Variants in PLRG1 observed in about 807,000 individuals in gnomAD.
PLRG1 encodes pleiotropic regulator 1 (PRL1 homolog, Arabidopsis).
PLRG1 carries 28 observed loss-of-function variants against 74.9 expected under a neutral mutation model. That is an observed-to-expected ratio of 0.37 (90% CI 0.28 to 0.51). The LOEUF is 0.51. Ranked by LOEUF, PLRG1 falls within the 20% of genes least tolerant of loss-of-function variation. PLRG1 has a pLI of 0.91. For synonymous variants in PLRG1, 197 were observed against 212.4 expected, an observed-to-expected ratio of 0.93 and a Z score of 0.63; for missense variants, 445 against 631.9, an observed-to-expected ratio of 0.70 and a Z score of 3.17.
intron 1 of PLRG1, 110 bp from the exon 2 acceptor site, chr4:154,549,045 C>T: frequency 1.4e-6 from 1 of 700,990 alleles, no homozygotes; most frequent in Non-Finnish European, 2.5e-6. Context: ...AAGCTTTATA[C>T]CACTCACCAT....
At chr4:154,544,356 C>T in intron 7 of PLRG1, 89 bp downstream of exon 7, 1 of 783,932 alleles carries the variant, frequency 1.3e-6, no homozygotes, top group Non-Finnish European at 2.2e-6. Flanking sequence ...TTCATATTCA[C>T]TCTTTTTCCT....
chr4:154,537,874 T>G (rs1027300243), intron 13 of PLRG1, 95 bp downstream of exon 13: 2 of 710,374 alleles, frequency 2.8e-6, no homozygotes, highest in Non-Finnish European at 4.6e-6. Flanking sequence ...CTATAATACT[T>G]AAGTGTGACA....
intron 4 of PLRG1, 80 bp downstream of exon 4, chr4:154,546,931 C>A (rs1323744667): frequency 4.7e-6 from 5 of 1,063,488 alleles, no homozygotes; most frequent in Non-Finnish European, 7.4e-6. Context: ...TTATAGGCAA[C>A]AAGAATCTCA....
At chr4:154,539,897 A>G in intron 11 of PLRG1, 54 bp downstream of exon 11, 4 of 861,914 alleles carry the variant, frequency 4.6e-6, no homozygotes, top group Non-Finnish European at 8.1e-6. Flanking sequence ...TATATGTATA[A>G]TAACATGGAT....
chr4:154,539,503 A>G (rs79702886), intron 11 of PLRG1, among the ~76,000 whole-genome samples: 7,244 of 152,150 alleles, frequency 0.048, 576 homozygotes, highest in African/African-American at 0.16. Context: ...AAAAACTTCA[A>G]TGATTTTTTT....
chr4:154,547,586 G>T, intron 3 of PLRG1, 125 bp downstream of exon 3: 1 of 782,214 alleles, frequency 1.3e-6, no homozygotes, highest in East Asian at 2.6e-5. Flanking sequence ...TATAATACAG[G>T]TACGGCCATT....
intron 10 of PLRG1, 107 bp downstream of exon 10, chr4:154,540,487 C>CAGCT (rs1275552004): frequency 1.3e-6 from 1 of 765,066 alleles, no homozygotes; most frequent in Non-Finnish European, 2.3e-6. Context: ...TGACTCAAGA[C>CAGCT]AGCTATCTTT....
chr4:154,540,513 AATTG>A, intron 10 of PLRG1, 77 bp downstream of exon 10: 2 of 865,734 alleles, frequency 2.3e-6, no homozygotes. Flanking sequence ...TCTATCAATC[AATTG>A]AAGACACTGA....
intron 14 of PLRG1, 129 bp downstream of exon 14, chr4:154,537,157 G>T: frequency 1.8e-6 from 1 of 567,950 alleles, no homozygotes; most frequent in Non-Finnish European, 3.0e-6. Context: ...ATATATAAAT[G>T]GACACTATTC....
At chr4:154,545,640 C>T (rs747098471) in intron 6 of PLRG1, among the ~76,000 whole-genome samples, 196 bp downstream of exon 6, 2 of 152,066 alleles carry the variant, frequency 1.3e-5, no homozygotes, top group Non-Finnish European at 2.9e-5. Context: ...ATATATTACA[C>T]ACAATGTACA....
chr4:154,549,492 C>T (rs1244206057), intron 1 of PLRG1, among the ~76,000 whole-genome samples: 2 of 152,114 alleles, frequency 1.3e-5, no homozygotes, highest in African/African-American at 4.8e-5. Flanking sequence ...TGAAATAATA[C>T]AAGGAGCGCA....
chr4:154,542,265 A>T lies in PLRG1; in HGVS notation c.609T>A (p.His203Gln). 1 of 1,610,256 alleles carries T rather than the reference A, an allele frequency of 6.2e-7. No individual in the cohort carries two copies. Among genetic ancestry groups the T allele is most frequent in the Non-Finnish European group, 8.5e-7 (1 of 1,176,544 alleles). Reference sequence around the variant, plus strand: ...CAGCAATACATCGAACCCAGCCAAGATGCCCACTGATAACCTGTATAAAAC... The same window carrying T: ...CAGCAATACATCGAACCCAGCCAAGTTGCCCACTGATAACCTGTATAAAAC... ...PWKLYRVISG[H>Q]LGWVRCIAVE... Residue 203 changes from histidine to glutamine, a missense_variant, in exon 8 of 15, where the codon CAT (histidine) becomes CAA (glutamine). Physicochemically the swap from His to Gln is conservative, Grantham distance 24. This residue lies in a region of PLRG1 where 206 missense variants were observed against 210.8 expected (regional missense o/e 0.98). Transcript: ENST00000499023.
chr4:154,549,557 G>C (rs1164058609), intron 1 of PLRG1: 1 of 396,022 alleles, frequency 2.5e-6, no homozygotes, highest in Non-Finnish European at 5.0e-6. Flanking sequence ...GGGTAGACAA[G>C]GTCCAGATTA....
At chr4:154,549,403 G>A (rs939782804) in intron 1 of PLRG1, among the ~76,000 whole-genome samples, 4 of 152,222 alleles carry the variant, frequency 2.6e-5, no homozygotes, top group Admixed American at 6.5e-5. Context: ...TAAGCAGAAA[G>A]GGAGTTAGCC....
chr4:154,549,071 G>A lies in PLRG1; in HGVS notation c.10-136C>T, dbSNP rs776693408. The A allele has an allele frequency of 4.6e-5, 30 of 647,772 alleles. No individual in the cohort carries two copies. The African/African-American group carries it at 5.4e-4, about 12-fold the overall frequency. The allele number at this position is 647,772 out of a possible 1,614,324, so 40.1% of individuals were successfully genotyped here. The stretch of plus-strand genomic sequence containing the variant: ...CACTCACCATAGCTACTTGTTGCAA[G>A]CTACAGGAGTCAAGTTCAGAGAAGA... On this transcript the variant is annotated intron_variant, in intron 1 of 14. Coordinates refer to ENST00000499023, the MANE Select transcript of PLRG1 (RefSeq NM_002669.4).
chr4:154,539,897 A>C, intron 11 of PLRG1, 54 bp downstream of exon 11: 2 of 861,914 alleles, frequency 2.3e-6, no homozygotes, highest in Non-Finnish European at 4.1e-6. Context: ...TATATGTATA[A>C]TAACATGGAT....
chr4:154,539,014 A>T, intron 12 of PLRG1, 91 bp downstream of exon 12: 1 of 775,026 alleles, frequency 1.3e-6, no homozygotes. Flanking sequence ...CAGCTAAATG[A>T]CTGCCAAAAG....
rs574730910 is a variant in PLRG1 at position 154,535,193 on chromosome 4, T to C, written c.*1492A>G. ...TTGTCCACAAAAATGCTTGCACAAC[T>C]TTTTTTTTTACCCAAGTTTAGAAAT... On this transcript the variant is annotated 3_prime_UTR_variant, in exon 15 of 15. Coordinates refer to ENST00000499023, the MANE Select transcript of PLRG1 (RefSeq NM_002669.4). 7 of 141,158 alleles carry C rather than the reference T, an allele frequency of 5.0e-5. No homozygotes were observed. In the South Asian group the frequency reaches 1.5e-3, roughly 30 times the overall value. The allele number at this position is 141,158 out of a possible 1,614,324, so 8.7% of individuals were successfully genotyped here.
intron 6 of PLRG1, 147 bp downstream of exon 6, chr4:154,545,689 T>G: frequency 5.7e-6 from 3 of 523,308 alleles, no homozygotes; most frequent in Non-Finnish European, 1.0e-5. Context: ...AAAAATACGT[T>G]AATTTACTAC....
Sources: allele counts gnomAD v4.1 joint callset (sites outside exome capture counted in the v4.1 genomes callset), GRCh38; gene constraint gnomAD v4.1.1; regional missense constraint gnomAD v4.1.1; transcripts MANE v1.5; gene names NCBI Gene and HGNC (gene_info 2026-07-23, HGNC 2026-07-21).